The following OPCML variants were observed in gnomAD, a reference collection of about 807,000 sequenced individuals.
The protein encoded by OPCML is opioid-binding protein/cell adhesion molecule.
OPCML carries 13 observed loss-of-function variants against 37.8 expected under a neutral mutation model. The ratio of observed to expected loss-of-function variants is 0.34; its 90% CI spans 0.22 to 0.55. The LOEUF is 0.55. OPCML is among the 20% of genes least tolerant of loss of function. The pLI is 0.91. For missense variants in OPCML, 341 were observed against 435.6 expected, an observed-to-expected ratio of 0.78 and a Z score of 1.93; for synonymous variants, 176 against 168.8, an observed-to-expected ratio of 1.04 and a Z score of -0.33.
intron 1 of OPCML, among the ~76,000 whole-genome samples, chr11:133,462,776 T>G (rs1019760109): frequency 1.3e-5 from 2 of 152,174 alleles, no homozygotes; most frequent in African/African-American, 4.8e-5. Context: ...ACTATGGTGA[T>G]TCCTCAAAAA....
chr11:132,532,785 C>A (rs1480213408), intron 3 of OPCML, among the ~76,000 whole-genome samples: 1 of 152,150 alleles, frequency 6.6e-6, no homozygotes, highest in Non-Finnish European at 1.5e-5. Flanking sequence ...AGGAGAAGCC[C>A]ATCTTCACCG....
At chr11:132,573,968 T>C (rs185748227) in intron 3 of OPCML, among the ~76,000 whole-genome samples, 2 of 151,950 alleles carry the variant, frequency 1.3e-5, no homozygotes, top group Non-Finnish European at 2.9e-5. Context: ...TGTATGTTCC[T>C]AGAAATGTAT....
At chr11:133,296,016 T>C (rs1440366353) in intron 1 of OPCML, among the ~76,000 whole-genome samples, 2 of 152,264 alleles carry the variant, frequency 1.3e-5, no homozygotes, top group African/African-American at 4.8e-5. Flanking sequence ...ATCATGATTT[T>C]AGTTTTACTG....
intron 1 of OPCML, among the ~76,000 whole-genome samples, chr11:133,314,218 G>GAA (rs1355295702): frequency 9.4e-6 from 1 of 106,060 alleles, no homozygotes; most frequent in Non-Finnish European, 1.7e-5. Flanking sequence ...CTGGGCTACA[G>GAA]CGAGACTCCG....
chr11:133,152,149 G>T (rs1212956399), intron 1 of OPCML, among the ~76,000 whole-genome samples: 2 of 152,080 alleles, frequency 1.3e-5, no homozygotes, highest in East Asian at 3.9e-4. Context: ...ACCTCCTTCA[G>T]AATCCAAACC....
intron 4 of OPCML, among the ~76,000 whole-genome samples, chr11:132,469,415 G>A (rs556659990): frequency 8.7e-5 from 13 of 150,126 alleles, no homozygotes; most frequent in South Asian, 4.3e-4. Flanking sequence ...GTGGGGGTGC[G>A]TGTGTATGTG....
In OPCML at chr11:133,318,945, T is replaced by A. The variant is rs917053855; in HGVS notation, c.61+213319A>T. Among the ~76,000 whole-genome samples, 3 of 152,052 alleles carry A rather than the reference T, an allele frequency of 2.0e-5. No individual in the cohort carries two copies. In the South Asian group the frequency reaches 6.2e-4, roughly 31 times the overall value. On this transcript the variant is annotated intron_variant, in intron 1 of 7. Transcript: ENST00000524381. Reference sequence around the variant, plus strand: ...GGGAGGCTGAGGCAGGAACATTTCTTGAACCCAGGAGACAGAGGTTGCAGT... The same window carrying A: ...GGGAGGCTGAGGCAGGAACATTTCTAGAACCCAGGAGACAGAGGTTGCAGT...
At chr11:132,651,874 T>G (rs750230456) in intron 3 of OPCML, among the ~76,000 whole-genome samples, 1 of 152,178 alleles carries the variant, frequency 6.6e-6, no homozygotes, top group East Asian at 1.9e-4. Flanking sequence ...AAATTGGGCT[T>G]AGCAAGAGGA....
At chr11:133,313,043 T>A (rs1943104327) in intron 1 of OPCML, among the ~76,000 whole-genome samples, 1 of 152,248 alleles carries the variant, frequency 6.6e-6, no homozygotes, top group Non-Finnish European at 1.5e-5. Flanking sequence ...CTTCCGTGCA[T>A]GGACAGCATA....
intron 1 of OPCML, among the ~76,000 whole-genome samples, chr11:133,481,440 TA>T (rs1337812464): frequency 2.0e-4 from 22 of 107,910 alleles, no homozygotes; most frequent in East Asian, 6.8e-4. Flanking sequence ...TCTCCCCAGT[TA>T]AAAAAATAAA....
At chr11:132,714,680 T>C (rs59251082) in intron 2 of OPCML, among the ~76,000 whole-genome samples, 19,300 of 152,194 alleles carry the variant, frequency 0.13, 3,526 homozygotes, top group African/African-American at 0.41. Context: ...TCGAAGAGTC[T>C]TTTAATGTTT....
chr11:132,858,061 G>A (rs543179158), intron 2 of OPCML, among the ~76,000 whole-genome samples: 6 of 152,238 alleles, frequency 3.9e-5, no homozygotes, highest in East Asian at 1.9e-4. Flanking sequence ...AGAAGTCGGC[G>A]GTTTCTCACT....
chr11:133,402,746 T>A (rs1411001758), intron 1 of OPCML, among the ~76,000 whole-genome samples: 2 of 152,122 alleles, frequency 1.3e-5, no homozygotes, highest in African/African-American at 2.4e-5. Context: ...CTTCTTTGAC[T>A]CATAACTGAA....
At chr11:132,430,108 C>G (rs1328724757) in intron 7 of OPCML, among the ~76,000 whole-genome samples, 1 of 152,134 alleles carries the variant, frequency 6.6e-6, no homozygotes, top group African/African-American at 2.4e-5. Flanking sequence ...AGATACAATG[C>G]GAATTCTCCC....
chr11:133,135,470 A>G (rs1302763068), intron 1 of OPCML, among the ~76,000 whole-genome samples: 2 of 142,100 alleles, frequency 1.4e-5, no homozygotes, highest in African/African-American at 5.3e-5. Flanking sequence ...AACTGTTGGG[A>G]CAGACTGGGT....
intron 1 of OPCML, among the ~76,000 whole-genome samples, chr11:133,406,575 T>C (rs1945531777): frequency 1.3e-5 from 2 of 152,232 alleles, no homozygotes; most frequent in Admixed American, 6.5e-5. Flanking sequence ...GGGTTGCCCA[T>C]TGGATAAATG....
At chr11:132,513,877 C>T (rs555970739) in intron 4 of OPCML, among the ~76,000 whole-genome samples, 1 of 152,284 alleles carries the variant, frequency 6.6e-6, no homozygotes, top group Non-Finnish European at 1.5e-5. Flanking sequence ...TTTCACTAAA[C>T]TTTGAGCTTC....
intron 1 of OPCML, among the ~76,000 whole-genome samples, chr11:133,326,002 T>C (rs189366890): frequency 4.6e-5 from 7 of 152,330 alleles, no homozygotes; most frequent in Admixed American, 3.9e-4. Flanking sequence ...TCCCACTTCC[T>C]GCAATCTCTT....
intron 1 of OPCML, among the ~76,000 whole-genome samples, chr11:133,322,864 A>G (rs945500792): frequency 3.3e-5 from 5 of 152,198 alleles, no homozygotes; most frequent in Non-Finnish European, 7.3e-5. Flanking sequence ...CAGACACATG[A>G]TATCTGCCCG....
Sources: gnomAD v4.1 joint callset for allele counts (sites outside exome capture counted in the v4.1 genomes callset) on GRCh38, gnomAD v4.1.1 for gene constraint, MANE v1.5 for transcripts, NCBI Gene and HGNC (gene_info 2026-07-23, HGNC 2026-07-21) for gene names.